Variants in CALD1 observed in about 807,000 individuals in gnomAD.
The protein encoded by CALD1 is caldesmon 1.
CALD1 carries 33 observed loss-of-function variants against 99.9 expected under a neutral mutation model. The observed-to-expected ratio is 0.33, with a 90% CI of 0.25 to 0.44. CALD1 has a LOEUF of 0.44. Ranked by LOEUF, CALD1 falls within the 20% of genes least tolerant of loss-of-function variation. The pLI is 1.00. For synonymous variants in CALD1, 310 were observed against 325.0 expected, an observed-to-expected ratio of 0.95 and a Z score of 0.50; for missense variants, 861 against 962.1, an observed-to-expected ratio of 0.89 and a Z score of 1.39.
intron 1 of CALD1, among the ~76,000 whole-genome samples, chr7:134,791,065 TTATTAAGAAATAAA>T (rs759254520): frequency 0.59 from 90,019 of 152,002 alleles, 27,375 homozygotes; most frequent in East Asian, 0.84. Flanking sequence ...GAGATACTAC[TTATTAAGAAATAAA>T]ATCAGAAATA....
intron 1 of CALD1, among the ~76,000 whole-genome samples, chr7:134,823,496 TC>T (rs896947362): frequency 6.6e-6 from 1 of 152,142 alleles, no homozygotes; most frequent in Admixed American, 6.5e-5. Context: ...TGTGTTCTTT[TC>T]CCCCCGTCTT....
chr7:134,860,228 A>G (rs1800503950), intron 2 of CALD1, among the ~76,000 whole-genome samples: 1 of 152,206 alleles, frequency 6.6e-6, no homozygotes, highest in Non-Finnish European at 1.5e-5. Flanking sequence ...AGGTTGAGCT[A>G]AAGTTAAGTG....
At chr7:134,739,076 C>T in the CALD1 span, among the ~76,000 whole-genome samples, 2 of 152,126 alleles carry the variant, frequency 1.3e-5, no homozygotes, top group South Asian at 2.1e-4. Context: ...ATGGAGGGAA[C>T]ATTGGTGACT....
the CALD1 span, among the ~76,000 whole-genome samples, chr7:134,723,528 AG>A: frequency 6.8e-6 from 1 of 146,290 alleles, no homozygotes; most frequent in East Asian, 2.0e-4. Context: ...ACAGTAGAAA[AG>A]GTAACTTTTT....
At chr7:134,855,227 C>G (rs964758785) in intron 2 of CALD1, among the ~76,000 whole-genome samples, 1 of 152,244 alleles carries the variant, frequency 6.6e-6, no homozygotes, top group East Asian at 1.9e-4. Flanking sequence ...TGGTGCTCAA[C>G]AGACCTATGG....
chr7:134,964,210 G>A (rs543976557), intron 13 of CALD1, among the ~76,000 whole-genome samples: 1 of 152,240 alleles, frequency 6.6e-6, no homozygotes, highest in East Asian at 1.9e-4. Flanking sequence ...AGAAAAAGAA[G>A]AAAGAAAAGT....
intron 1 of CALD1, among the ~76,000 whole-genome samples, chr7:134,815,648 T>C (rs1354524843): frequency 6.6e-6 from 1 of 152,166 alleles, no homozygotes; most frequent in Non-Finnish European, 1.5e-5. Context: ...GCTGAGCCTA[T>C]GAGGTCCTAT....
chr7:134,965,802 T>C (rs1482822419), intron 14 of CALD1, among the ~76,000 whole-genome samples: 1 of 147,158 alleles, frequency 6.8e-6, no homozygotes, highest in South Asian at 2.2e-4. Flanking sequence ...ACATTGCCAC[T>C]GCCAGCAGCC....
intron 1 of CALD1, among the ~76,000 whole-genome samples, chr7:134,806,665 G>C (rs1463330786): frequency 7.9e-5 from 12 of 152,158 alleles, no homozygotes; most frequent in Admixed American, 6.5e-4. Flanking sequence ...TAAAGTTATT[G>C]ATTCAGAATT....
At chr7:134,902,138 T>C (rs904931867) in intron 3 of CALD1, among the ~76,000 whole-genome samples, 4 of 152,060 alleles carry the variant, frequency 2.6e-5, no homozygotes, top group Non-Finnish European at 4.4e-5. Flanking sequence ...AAAATGATAT[T>C]GTGATATTGG....
At chr7:134,893,926 CT>C (rs1243868581) in intron 3 of CALD1, among the ~76,000 whole-genome samples, 1 of 152,046 alleles carries the variant, frequency 6.6e-6, no homozygotes, top group East Asian at 1.9e-4. Context: ...CTAAGTGAAT[CT>C]GTGTTTTGTA....
At chr7:134,735,666 A>C in the CALD1 span, among the ~76,000 whole-genome samples, 6 of 151,430 alleles carry the variant, frequency 4.0e-5, no homozygotes, top group African/African-American at 1.5e-4. Flanking sequence ...TATTCCAAGC[A>C]CTATGAGGTT....
At chr7:134,915,134 T>C (rs1388459023) in intron 3 of CALD1, among the ~76,000 whole-genome samples, 6 of 152,236 alleles carry the variant, frequency 3.9e-5, no homozygotes, top group Non-Finnish European at 8.8e-5. Context: ...CAGATGGTTC[T>C]GAACAATGGT....
At chr7:134,861,697 T>C (rs148688001) in intron 2 of CALD1, among the ~76,000 whole-genome samples, 2 of 152,340 alleles carry the variant, frequency 1.3e-5, no homozygotes, top group Non-Finnish European at 2.9e-5. Context: ...TAAATATTTA[T>C]TGTATATTGA....
intron 9 of CALD1, among the ~76,000 whole-genome samples, chr7:134,956,355 G>C (rs1807774285): frequency 6.6e-6 from 1 of 152,168 alleles, no homozygotes; most frequent in Non-Finnish European, 1.5e-5. Flanking sequence ...AAATTCATAT[G>C]TTGAAATCCT....
At chr7:134,750,980 T>C (rs1796681084) in intron 1 of CALD1, among the ~76,000 whole-genome samples, 2 of 152,200 alleles carry the variant, frequency 1.3e-5, no homozygotes, top group Admixed American at 6.5e-5. Context: ...TCTCCATCAC[T>C]GTATTTTAAT....
chr7:134,875,418 C>T (rs1316128472), intron 3 of CALD1, among the ~76,000 whole-genome samples: 1 of 152,206 alleles, frequency 6.6e-6, no homozygotes, highest in Non-Finnish European at 1.5e-5. Flanking sequence ...GGTGGATCAC[C>T]TGAGGTCAGG....
chr7:134,779,714 C>T lies in CALD1; in HGVS notation c.-165C>T, dbSNP rs994444429. Reference sequence around the variant, plus strand: ...CTTAAAGAAATCAGTCCTTCCTTTCCGACTTAGTCCTCGGGAAGAAGTTTC... The same window carrying T: ...CTTAAAGAAATCAGTCCTTCCTTTCTGACTTAGTCCTCGGGAAGAAGTTTC... On this transcript the variant is annotated 5_prime_UTR_variant, in exon 1 of 15. Transcript: ENST00000361675. The T allele has an allele frequency of 2.5e-5, 10 of 398,516 alleles. No individual in the cohort carries two copies. The highest frequency in any genetic ancestry group is 2.1e-4 in the African/African-American group (10 of 48,598). The allele number at this position is 398,516 out of a possible 1,614,324, so 24.7% of individuals were successfully genotyped here.
At chr7:134,879,645 T>G (rs1801505804) in intron 3 of CALD1, among the ~76,000 whole-genome samples, 1 of 152,238 alleles carries the variant, frequency 6.6e-6, no homozygotes, top group Non-Finnish European at 1.5e-5. Context: ...ATAAATCATT[T>G]GTATGTATTC....
Sources: allele counts gnomAD v4.1 joint callset (sites outside exome capture counted in the v4.1 genomes callset), GRCh38; gene constraint gnomAD v4.1.1; transcripts MANE v1.5; gene names NCBI Gene and HGNC (gene_info 2026-07-23, HGNC 2026-07-21).